ADAM23: variants seen among roughly 807,000 people sequenced by gnomAD.
The protein encoded by ADAM23 is ADAM metallopeptidase domain 23.
Under a neutral mutation model 120.1 loss-of-function variants are expected in ADAM23, and 33 were observed. That is an observed-to-expected ratio of 0.27 (90% CI 0.21 to 0.37). ADAM23 has a LOEUF of 0.37. Ranked by LOEUF, ADAM23 falls within the 10% of genes least tolerant of loss-of-function variation. The probability of loss-of-function intolerance (pLI) is 1.00; values close to 1 mark genes in which losing one functional copy is unlikely to be tolerated. For synonymous variants in ADAM23, 367 were observed against 375.2 expected (o/e 0.98, Z 0.25); for missense variants, 862 against 1,058.2 (o/e 0.81, Z 2.57).
At chr2:206,482,890 T>C (rs549497638) in intron 3 of ADAM23, among the ~76,000 whole-genome samples, 2 of 152,286 alleles carry the variant, frequency 1.3e-5, no homozygotes, top group South Asian at 4.2e-4. Context: ...TGAGATAGTA[T>C]ATCTGAAGAG....
rs376602945 is a variant in ADAM23 at position 206,530,953 on chromosome 2, G to A, written c.573+5G>A. ...GGGAAACCACAGTACTCTAAGGTAC[G>A]GTTACCGGCGTCGGCAAGTACTCTA... is the stretch of plus-strand genomic sequence containing the variant. On this transcript the variant is annotated splice_donor_5th_base_variant and intron_variant, in intron 4 of 25. Coordinates refer to ENST00000264377, the MANE Select transcript of ADAM23 (RefSeq NM_003812.4). 8.0e-5 allele frequency: 129 copies of A among 1,612,788 alleles called. 1 individual carries two copies. The African/African-American group carries it at 1.4e-3, about 18-fold the overall frequency.
At chr2:206,521,136 CTTTG>C (rs1419415810) in intron 3 of ADAM23, among the ~76,000 whole-genome samples, 1 of 152,060 alleles carries the variant, frequency 6.6e-6, no homozygotes, top group Non-Finnish European at 1.5e-5. Context: ...CTGCTTGATG[CTTTG>C]TTTGTTATTT....
chr2:206,610,094 G>GA, intron 25 of ADAM23, 94 bp downstream of exon 25: 1 of 1,135,536 alleles, frequency 8.8e-7, no homozygotes, highest in East Asian at 3.1e-5. Context: ...CAAGAGCTTA[G>GA]GTTCTGTCAG....
intron 6 of ADAM23, among the ~76,000 whole-genome samples, chr2:206,543,852 C>T (rs1697343320): frequency 1.3e-5 from 2 of 152,106 alleles, no homozygotes; most frequent in African/African-American, 4.8e-5. Flanking sequence ...GAATTGGAGA[C>T]TATTACTATA....
intron 3 of ADAM23, among the ~76,000 whole-genome samples, chr2:206,525,823 C>A (rs561300451): frequency 6.6e-6 from 1 of 152,102 alleles, no homozygotes. Context: ...AACTCCTGAC[C>A]CTGTGATCCG....
At chr2:206,524,519 A>G (rs1574512542) in intron 3 of ADAM23, among the ~76,000 whole-genome samples, 1 of 152,358 alleles carries the variant, frequency 6.6e-6, no homozygotes, top group South Asian at 2.1e-4. Context: ...TAATAAAGAC[A>G]TTCCCAAGAC....
intron 22 of ADAM23, among the ~76,000 whole-genome samples, chr2:206,593,998 T>C (rs1698472776): frequency 6.6e-6 from 1 of 151,434 alleles, no homozygotes; most frequent in South Asian, 2.1e-4. Flanking sequence ...TAGATACGTT[T>C]AGATAGGCAA....
At chr2:206,577,531 C>T (rs1452363459) in intron 18 of ADAM23, among the ~76,000 whole-genome samples, 42 of 139,926 alleles carry the variant, frequency 3.0e-4, no homozygotes, top group East Asian at 2.7e-3. Flanking sequence ...TTTGTTCTTG[C>T]GATAGTTTAC....
At chr2:206,451,365 A>T (rs1033697417) in intron 2 of ADAM23, among the ~76,000 whole-genome samples, 8 of 152,128 alleles carry the variant, frequency 5.3e-5, no homozygotes, top group Admixed American at 4.6e-4. Context: ...TCAGCCTCCC[A>T]TGTAGCTAGG....
intron 24 of ADAM23, among the ~76,000 whole-genome samples, chr2:206,598,143 G>A (rs1401976921): frequency 6.6e-6 from 1 of 152,028 alleles, no homozygotes; most frequent in East Asian, 1.9e-4. Flanking sequence ...ATTTAGAGAA[G>A]ATTTAAGCTC....
At position 206,444,095 on chromosome 2, in the gene ADAM23, G is replaced by A; in HGVS notation, c.214+15G>A. 1.5e-6 allele frequency: 2 copies of A among 1,300,228 alleles called. No homozygotes were observed. Among genetic ancestry groups the A allele is most frequent in the Admixed American group, 3.8e-5 (1 of 26,372 alleles). The allele number at this position is 1,300,228 out of a possible 1,614,324, so 80.5% of individuals were successfully genotyped here. A position where few individuals can be genotyped will look rare whatever the true frequency, so the allele number is the denominator to read the frequency against. On this transcript the variant is annotated intron_variant, in intron 1 of 25. Transcript: ENST00000264377. ...TGCGCCCAGCGGTGGGTATGGCCCC[G>A]TGCCCTTTGCGTTGGCTTTCCCGCG...
rs115325982 is a variant in ADAM23 at position 206,488,311 on chromosome 2, A to G, written c.509+7003A>G. Among the ~76,000 whole-genome samples, 1,430 of 152,310 alleles carry G rather than the reference A, an allele frequency of 9.4e-3. 28 individuals carry two copies. The highest frequency in any genetic ancestry group is 0.033 in the African/African-American group (1,383 of 41,566). Reference sequence around the variant, plus strand: ...CAAGAGCCTGTGGTAGAGAAATGAGATTACAGTGTACACGAATAGTGTTAA... The same window carrying G: ...CAAGAGCCTGTGGTAGAGAAATGAGGTTACAGTGTACACGAATAGTGTTAA... On this transcript the variant is annotated intron_variant, in intron 3 of 25. Transcript: ENST00000264377.
chr2:206,507,246 G>A (rs187606538), intron 3 of ADAM23, among the ~76,000 whole-genome samples: 1 of 152,210 alleles, frequency 6.6e-6, no homozygotes, highest in African/African-American at 2.4e-5. Flanking sequence ...ATGTCATGTC[G>A]AATTGTAATC....
chr2:206,499,342 A>G (rs921480768), intron 3 of ADAM23, among the ~76,000 whole-genome samples: 18 of 151,554 alleles, frequency 1.2e-4, no homozygotes, highest in Admixed American at 4.6e-4. Context: ...TGTCCTTTGT[A>G]GGGACATGGA....
intron 18 of ADAM23, among the ~76,000 whole-genome samples, chr2:206,578,025 A>G (rs1040424081): frequency 6.6e-6 from 1 of 151,978 alleles, no homozygotes; most frequent in African/African-American, 2.4e-5. Context: ...GATGATGAGC[A>G]TTTTTTCATG....
chr2:206,562,803 A>G (rs1697794180), intron 13 of ADAM23, among the ~76,000 whole-genome samples: 1 of 152,242 alleles, frequency 6.6e-6, no homozygotes, highest in East Asian at 1.9e-4. Flanking sequence ...AAGCATGGGA[A>G]CAGGTGGTAG....
intron 2 of ADAM23, among the ~76,000 whole-genome samples, chr2:206,463,716 G>A (rs571166437): frequency 4.3e-4 from 65 of 152,344 alleles, no homozygotes; most frequent in Non-Finnish European, 5.7e-4. Flanking sequence ...TAATGACCTC[G>A]TTGTCCCCGG....
intron 4 of ADAM23, among the ~76,000 whole-genome samples, chr2:206,531,929 AG>A (rs759544779): frequency 3.3e-5 from 5 of 152,224 alleles, no homozygotes; most frequent in Non-Finnish European, 7.3e-5. Flanking sequence ...ACTGCTCAGG[AG>A]GCCCTGGCAT....
intron 2 of ADAM23, among the ~76,000 whole-genome samples, chr2:206,468,403 T>C (rs1389800129): frequency 1.3e-5 from 2 of 152,164 alleles, no homozygotes; most frequent in African/African-American, 2.4e-5. Flanking sequence ...CTACTAGATA[T>C]CCTAAATCAT....
Sources: allele counts gnomAD v4.1 joint callset (sites outside exome capture counted in the v4.1 genomes callset), GRCh38; gene constraint gnomAD v4.1.1; transcripts MANE v1.5; gene names NCBI Gene and HGNC (gene_info 2026-07-23, HGNC 2026-07-21).